ETV4: variants seen among roughly 807,000 people sequenced by gnomAD.
ETV4 encodes ETS translocation variant 4.
ETV4 carries 42 observed loss-of-function variants against 65.9 expected under a neutral mutation model. The observed-to-expected ratio is 0.64, with a 90% confidence interval of 0.50 to 0.82. ETV4 has a LOEUF of 0.82. ETV4 is among the 40% of genes least tolerant of loss of function. The pLI, the probability that ETV4 is intolerant of heterozygous loss-of-function variation, is 0.00. For missense variants in ETV4, 583 were observed against 630.3 expected (o/e 0.92, Z 0.80); for synonymous variants, 238 against 260.0 (o/e 0.92, Z 0.81).
chr17:43,534,581 G>A (rs1270099422), intron 5 of ETV4, among the ~76,000 whole-genome samples: 2 of 152,204 alleles, frequency 1.3e-5, no homozygotes, highest in Non-Finnish European at 1.5e-5. Context: ...CCTAGGGCCT[G>A]TAGTTTTCCT....
chr17:43,531,838 A>T (rs1488099995), intron 8 of ETV4, among the ~76,000 whole-genome samples: 5 of 152,198 alleles, frequency 3.3e-5, no homozygotes, highest in Admixed American at 3.3e-4. Flanking sequence ...CTGTGGGGAT[A>T]GGGACCAGAC....
At chr17:43,538,831 C>T (rs1412345195) in intron 4 of ETV4, among the ~76,000 whole-genome samples, 1 of 152,144 alleles carries the variant, frequency 6.6e-6, no homozygotes, top group Non-Finnish European at 1.5e-5. Context: ...CTGCTCTCTC[C>T]TTCCCTGGAG....
Position 43,533,434 on chromosome 17 carries a change from C to T in ETV4, c.384-86G>A, listed in dbSNP as rs1042824541. 8 of 1,282,138 alleles carry T rather than the reference C, an allele frequency of 6.2e-6. No homozygotes were observed. In the African/African-American group the frequency reaches 1.0e-4, roughly 16 times the overall value. The allele number at this position is 1,282,138 out of a possible 1,614,324, so 79.4% of individuals were successfully genotyped here. On this transcript the variant is annotated intron_variant, in intron 6 of 12. Coordinates refer to ENST00000319349, the MANE Select transcript of ETV4 (RefSeq NM_001079675.5). ...CTTCATTCCTAGGAAAGCGAGGTCA[C>T]AGGGATTACAGGAGAAGGAAGGATA...
Position 43,528,002 on chromosome 17 carries a change from G to C in ETV4, c.*517C>G, listed in dbSNP as rs1206809165. 1 of 234,252 alleles carries C rather than the reference G, an allele frequency of 4.3e-6. No homozygotes were observed. Among genetic ancestry groups the C allele is most frequent in the African/African-American group, 2.2e-5 (1 of 45,352 alleles). 14.5% of individuals were successfully genotyped at this position (234,252 alleles called of 1,614,324 possible). A position where few individuals can be genotyped will look rare whatever the true frequency, so the allele number is the denominator to read the frequency against. ...CTTATACCCAGCACCCCTCATCCCA[G>C]GTTCCTTTCTTCAACCTCCGCCTGC... On this transcript the variant is annotated 3_prime_UTR_variant, in exon 13 of 13. Coordinates refer to ENST00000319349, the MANE Select transcript of ETV4 (RefSeq NM_001079675.5).
At chr17:43,542,513 G>T (rs937934891) in intron 4 of ETV4, among the ~76,000 whole-genome samples, 2 of 152,090 alleles carry the variant, frequency 1.3e-5, no homozygotes, top group African/African-American at 2.4e-5. Context: ...GCCTGAGCCT[G>T]GGTCTCCCTG....
intron 8 of ETV4, chr17:43,530,493 G>A: frequency 8.1e-7 from 1 of 1,235,350 alleles, no homozygotes; most frequent in Non-Finnish European, 1.0e-6. Context: ...TCAGGGGGAG[G>A]AGGGAGGGTG....
At chr17:43,531,254 G>T (rs576994349) in intron 8 of ETV4, among the ~76,000 whole-genome samples, 2 of 152,318 alleles carry the variant, frequency 1.3e-5, no homozygotes, top group African/African-American at 4.8e-5. Context: ...GGCTACTAAT[G>T]TAACAAAAGC....
chr17:43,542,654 A>G (rs1022509324), intron 4 of ETV4, among the ~76,000 whole-genome samples: 2 of 152,088 alleles, frequency 1.3e-5, no homozygotes, highest in Admixed American at 1.3e-4. Context: ...AGCTGCCTCC[A>G]TAAAGCCGCA....
intron 8 of ETV4, 150 bp downstream of exon 8, chr17:43,532,524 T>C (rs992776162): frequency 4.1e-6 from 3 of 732,874 alleles, no homozygotes; most frequent in Non-Finnish European, 4.3e-6. Flanking sequence ...GAAAGAAAAA[T>C]AACATTCTTT....
chr17:43,529,077 G>T, intron 12 of ETV4, 58 bp downstream of exon 12: 1 of 1,523,442 alleles, frequency 6.6e-7, no homozygotes, highest in Non-Finnish European at 9.1e-7. Flanking sequence ...CCTCTCCCCA[G>T]TCAGCTTCTC....
rs866359165 is a variant in ETV4 at position 43,530,167 on chromosome 17, C to T, written c.826G>A (p.Ala276Thr). Residue 276 changes from alanine (A) to threonine (T), a missense_variant, in exon 9 of 13, where the codon GCA (alanine) becomes ACA (threonine). Ala to Thr is a moderately conservative substitution (Grantham distance 58). Transcript: ENST00000319349. ...CCCTCTGTGTGGAGGTACATTGATG[C>T]GCACCCGGTGACATCTGTGGGGGAA... ...FAYDSDVTGC[A>T]SMYLHTEGFS... 5 of 1,556,764 alleles carry T rather than the reference C, an allele frequency of 3.2e-6. No individual in the cohort carries two copies. The highest frequency in any genetic ancestry group is 3.9e-5 in the Admixed American group (2 of 51,166).
chr17:43,536,565 A>G, intron 4 of ETV4, 86 bp from the exon 5 acceptor site: 1 of 1,195,474 alleles, frequency 8.4e-7, no homozygotes, highest in Non-Finnish European at 1.2e-6. Context: ...GCAGATTAGC[A>G]ACAGCCAAGA....
At chr17:43,534,601 G>A (rs1338400775) in intron 5 of ETV4, among the ~76,000 whole-genome samples, 1 of 152,206 alleles carries the variant, frequency 6.6e-6, no homozygotes, top group East Asian at 1.9e-4. Flanking sequence ...TGAGTGCCCT[G>A]GAAAATTCCA....
At chr17:43,545,234 TGGCGGAGGA>T in intron 3 of ETV4, 31 bp downstream of exon 3, 1 of 1,237,902 alleles carries the variant, frequency 8.1e-7, no homozygotes, top group Non-Finnish European at 1.2e-6. Context: ...TGTGTGTGTG[TGGCGGAGGA>T]GGGTCGCGGT....
chr17:43,533,080 C>T, intron 7 of ETV4, 107 bp downstream of exon 7: 1 of 1,510,758 alleles, frequency 6.6e-7, no homozygotes, highest in Non-Finnish European at 8.9e-7. Flanking sequence ...CTTTCTATTC[C>T]ACTGCCCCCT....
chr17:43,529,678 T>TTCAAATTTCTCA lies in ETV4; in HGVS notation c.956-3_956-2insTGAGAAATTTGA. Reference sequence around the variant, plus strand: ...CGACCCCTTCCTGCTTGATGTCTCCTGGGGAACACGAAAATAGGAGGTGTG... The same window carrying TTCAAATTTCTCA: ...CGACCCCTTCCTGCTTGATGTCTCCTTCAAATTTCTCAGGGGAACACGAAAATAGGAGGTGTG... On this transcript the variant is annotated splice_polypyrimidine_tract_variant and splice_region_variant and intron_variant, in intron 10 of 12. Transcript: ENST00000319349. 6.2e-7 allele frequency: 1 copy of TTCAAATTTCTCA among 1,605,720 alleles called. No homozygotes were observed. The highest frequency in any genetic ancestry group is 1.3e-5 in the African/African-American group (1 of 74,694).
intron 8 of ETV4, among the ~76,000 whole-genome samples, chr17:43,531,333 G>A (rs1216239762): frequency 2.0e-5 from 3 of 152,166 alleles, no homozygotes; most frequent in African/African-American, 7.2e-5. Flanking sequence ...CGGCCCTTGA[G>A]GCTTTGAACT....
At chr17:43,534,075 G>A (rs1870781862) in intron 5 of ETV4, 90 bp from the exon 6 acceptor site, 3 of 1,337,346 alleles carry the variant, frequency 2.2e-6, no homozygotes, top group African/African-American at 1.5e-5. Flanking sequence ...TTGAGGACCA[G>A]CTGGGTGACT....
intron 5 of ETV4, 95 bp downstream of exon 5, chr17:43,536,331 A>C: frequency 1.8e-6 from 2 of 1,119,276 alleles, no homozygotes; most frequent in Non-Finnish European, 2.7e-6. Flanking sequence ...GTGTTTTAGG[A>C]GAGAACAAGC....
Sources: gnomAD v4.1 joint callset for allele counts (sites outside exome capture counted in the v4.1 genomes callset) on GRCh38, gnomAD v4.1.1 for gene constraint, MANE v1.5 for transcripts, NCBI Gene and HGNC (gene_info 2026-07-23, HGNC 2026-07-21) for gene names.